CAMK2G: variants seen among roughly 807,000 people sequenced by gnomAD.
CAMK2G encodes calcium/calmodulin dependent protein kinase II gamma, also known as calcium/calmodulin-dependent protein kinase type II subunit gamma.
CAMK2G carries 23 observed loss-of-function variants against 88.7 expected under a neutral mutation model. That is an observed-to-expected ratio of 0.26 (90% CI 0.19 to 0.37). CAMK2G has a LOEUF of 0.37. CAMK2G is among the 10% of genes least tolerant of loss of function. CAMK2G has a pLI of 1.00. For missense variants in CAMK2G, 476 were observed against 780.8 expected, an observed-to-expected ratio of 0.61 and a Z score of 4.65; for synonymous variants, 263 against 294.8, an observed-to-expected ratio of 0.89 and a Z score of 1.11.
chr10:73,856,021 T>C (rs953544723), intron 3 of CAMK2G, among the ~76,000 whole-genome samples: 4 of 152,028 alleles, frequency 2.6e-5, no homozygotes, highest in African/African-American at 9.7e-5. Context: ...CCATCTCCTG[T>C]CTCAGCCTCC....
At position 73,849,044 on chromosome 10, in the gene CAMK2G, G is replaced by A; in HGVS notation, c.486C>T (p.Ile162=). Residue 162 remains isoleucine, a synonymous_variant, in exon 7 of 23, where the codon ATC becomes ATT. Coordinates refer to ENST00000423381, the MANE Select transcript of CAMK2G (RefSeq NM_001367534.1). ...AVKLADFGLA[I]EVQGEQQAWF... is the part of the protein sequence containing the mutation. ...AAGCCTGCTGCTCTCCCTGTACTTC[G>A]ATGGCTAGGCCAAAATCAGCCAGCT... 1.2e-6 allele frequency: 2 copies of A among 1,613,570 alleles called. No homozygotes were observed. The highest frequency in any genetic ancestry group is 1.1e-5 in the South Asian group (1 of 91,070).
rs1256651098 is a variant in CAMK2G at position 73,812,821 on chromosome 10, G to A, written c.*1697C>T. ...CAAGCCAGCAAAACGAAACCCTGTGGTGAAGGGATTTGCGTGCTGGCACTG... is the reference window on the plus strand; with the variant it reads ...CAAGCCAGCAAAACGAAACCCTGTGATGAAGGGATTTGCGTGCTGGCACTG... On this transcript the variant is annotated 3_prime_UTR_variant, in exon 23 of 23. Coordinates refer to ENST00000423381, the MANE Select transcript of CAMK2G (RefSeq NM_001367534.1). The A allele has an allele frequency of 6.5e-6, 1 of 152,720 alleles. No individual in the cohort carries two copies. Among genetic ancestry groups the A allele is most frequent in the Admixed American group, 6.5e-5 (1 of 15,294 alleles). The allele number at this position is 152,720 out of a possible 1,614,324, so 9.5% of individuals were successfully genotyped here.
chr10:73,844,067 A>G (rs939523191), intron 10 of CAMK2G, among the ~76,000 whole-genome samples: 6 of 151,944 alleles, frequency 3.9e-5, no homozygotes, highest in Admixed American at 2.6e-4. Context: ...TCTATAGATT[A>G]TAGTTAAGCC....
At chr10:73,868,494 C>T (rs1318312580) in intron 2 of CAMK2G, among the ~76,000 whole-genome samples, 1 of 152,216 alleles carries the variant, frequency 6.6e-6, no homozygotes, top group African/African-American at 2.4e-5. Flanking sequence ...TCCATCCCTT[C>T]AGGAGAGAAA....
intron 2 of CAMK2G, among the ~76,000 whole-genome samples, chr10:73,861,094 T>A (rs1040620838): frequency 6.6e-6 from 1 of 152,210 alleles, no homozygotes; most frequent in Non-Finnish European, 1.5e-5. Context: ...AGGAGTGCAG[T>A]GGCATGATCG....
At chr10:73,873,885 CG>C (rs2095960059) in intron 1 of CAMK2G, among the ~76,000 whole-genome samples, 1 of 14,994 alleles carries the variant, frequency 6.7e-5, no homozygotes, top group African/African-American at 2.9e-4. Flanking sequence ...GGGGAGGGGA[CG>C]GGGGTGCCGC....
intron 2 of CAMK2G, among the ~76,000 whole-genome samples, chr10:73,864,725 C>T (rs568937557): frequency 3.3e-5 from 5 of 152,226 alleles, no homozygotes; most frequent in South Asian, 2.1e-4. Flanking sequence ...TCACTGCAAG[C>T]TCCGCCTCCC....
At chr10:73,864,119 G>A (rs1005829191) in intron 2 of CAMK2G, among the ~76,000 whole-genome samples, 1 of 152,166 alleles carries the variant, frequency 6.6e-6, no homozygotes, top group African/African-American at 2.4e-5. Context: ...GGAGGCCAAG[G>A]TGGGTGGATC....
At chr10:73,827,426 G>C (rs575693626) in intron 15 of CAMK2G, among the ~76,000 whole-genome samples, 1 of 152,134 alleles carries the variant, frequency 6.6e-6, no homozygotes, top group Non-Finnish European at 1.5e-5. Flanking sequence ...TGATCCACCC[G>C]CCTCGGCCTC....
In CAMK2G at chr10:73,873,290, G is replaced by A. The variant is rs1053634349; in HGVS notation, c.66-207C>T. The stretch of plus-strand genomic sequence containing the variant: ...AGGACACTGAACAGATGTGGGTGGC[G>A]TGCCGCGCTCCCACCCCCTCATCCA... On this transcript the variant is annotated intron_variant, in intron 1 of 22. Transcript: ENST00000423381. The A allele has an allele frequency of 5.6e-6, 7 of 1,241,484 alleles. No homozygotes were observed. In the East Asian group the frequency reaches 8.1e-5, roughly 14 times the overall value. 76.9% of individuals were successfully genotyped at this position (1,241,484 alleles called of 1,614,324 possible). A position where few individuals can be genotyped will look rare whatever the true frequency, so the allele number is the denominator to read the frequency against.
chr10:73,815,913 A>G (rs2085298893), intron 21 of CAMK2G: 3 of 985,386 alleles, frequency 3.0e-6, no homozygotes, highest in Non-Finnish European at 3.6e-6. Flanking sequence ...ATTTTAGTTC[A>G]ATTCAAATGT....
Position 73,874,398 on chromosome 10 carries a change from T to C in CAMK2G, c.64A>G (p.Lys22Glu). ...GGGACCGCGGCGGGCGGGCCGTACT[T>C]GCCAAGCTCCTCGAAGAGCTGGTAG... Reference protein sequence around the residue: ...DDYQLFEELGKGAFSVVRRCV... With the variant: ...DDYQLFEELGEGAFSVVRRCV... The change falls in exon 1 of 23, where the codon AAG (lysine) becomes GAG (glutamate). Residue 22 changes from lysine (K) to glutamate (E), a missense_variant and splice_region_variant. Around this residue, in one of 3 missense-constraint regions of CAMK2G, gnomAD observed 34 missense variants for 28.7 expected, o/e 1.19. Transcript: ENST00000423381. 6.7e-7 allele frequency: 1 copy of C among 1,496,300 alleles called. No individual in the cohort carries two copies. Among genetic ancestry groups the C allele is most frequent in the South Asian group, 1.3e-5 (1 of 79,572 alleles). 92.7% of individuals were successfully genotyped at this position (1,496,300 alleles called of 1,614,324 possible). A position where few individuals can be genotyped will look rare whatever the true frequency, so the allele number is the denominator to read the frequency against.
At position 73,874,390 on chromosome 10, in the gene CAMK2G, G is replaced by C; in HGVS notation, c.65+7C>G. On this transcript the variant is annotated splice_region_variant and intron_variant, in intron 1 of 22. Coordinates refer to ENST00000423381, the MANE Select transcript of CAMK2G (RefSeq NM_001367534.1). ...GCAGGCAGGGGACCGCGGCGGGCGGGCCGTACTTGCCAAGCTCCTCGAAGA... is the reference window on the plus strand; with the variant it reads ...GCAGGCAGGGGACCGCGGCGGGCGGCCCGTACTTGCCAAGCTCCTCGAAGA... 6.7e-7 allele frequency: 1 copy of C among 1,487,970 alleles called. No homozygotes were observed. The highest frequency in any genetic ancestry group is 9.0e-7 in the Non-Finnish European group (1 of 1,107,298). 92.2% of individuals were successfully genotyped at this position (1,487,970 alleles called of 1,614,324 possible). A position where few individuals can be genotyped will look rare whatever the true frequency, so the allele number is the denominator to read the frequency against.
At chr10:73,843,018 C>T (rs1590615474) in intron 10 of CAMK2G, among the ~76,000 whole-genome samples, 1 of 152,156 alleles carries the variant, frequency 6.6e-6, no homozygotes, top group Admixed American at 6.5e-5. Context: ...AGCCATGATC[C>T]CAGAAGCTAA....
intron 2 of CAMK2G, among the ~76,000 whole-genome samples, chr10:73,864,280 G>A (rs914161846): frequency 2.4e-4 from 36 of 151,906 alleles, no homozygotes; most frequent in Non-Finnish European, 5.3e-4. Flanking sequence ...CCAGCTTGGG[G>A]TGACAGAGCA....
intron 20 of CAMK2G, 49 bp from the exon 21 acceptor site, chr10:73,817,166 T>C: frequency 1.3e-6 from 2 of 1,556,190 alleles, no homozygotes; most frequent in Non-Finnish European, 1.7e-6. Context: ...ATGGAGTGAC[T>C]TGTCTTCCTT....
intron 14 of CAMK2G, among the ~76,000 whole-genome samples, chr10:73,836,329 C>T (rs567229596): frequency 6.6e-6 from 1 of 152,170 alleles, no homozygotes; most frequent in Non-Finnish European, 1.5e-5. Flanking sequence ...AGCCACACCC[C>T]CTCTTACACC....
At chr10:73,854,832 TGCCAGGGCCGGA>T (rs985512754) in intron 3 of CAMK2G, among the ~76,000 whole-genome samples, 20 of 152,166 alleles carry the variant, frequency 1.3e-4, no homozygotes, top group Admixed American at 1.2e-3. Flanking sequence ...CTCCGAAGCC[TGCCAGGGCCGGA>T]GCCAGGGCCT....
At chr10:73,861,407 G>A (rs1262984829) in intron 2 of CAMK2G, among the ~76,000 whole-genome samples, 2 of 152,114 alleles carry the variant, frequency 1.3e-5, no homozygotes, top group Non-Finnish European at 2.9e-5. Context: ...CCAGGCTGGG[G>A]TGCAGTGGTG....
Sources: allele counts gnomAD v4.1 joint callset (sites outside exome capture counted in the v4.1 genomes callset), GRCh38; gene constraint gnomAD v4.1.1; regional missense constraint gnomAD v4.1.1; transcripts MANE v1.5; gene names NCBI Gene and HGNC (gene_info 2026-07-23, HGNC 2026-07-21).